The following CSMD3 variants were observed in gnomAD, a reference collection of about 807,000 sequenced individuals.
CSMD3 encodes the protein CUB and sushi domain-containing protein 3.
Under a neutral mutation model 435.2 loss-of-function variants are expected in CSMD3, and 177 were observed. The ratio of observed to expected loss-of-function variants is 0.41; its 90% CI spans 0.36 to 0.46. The LOEUF is 0.46. Ranked by LOEUF, CSMD3 falls within the 20% of genes least tolerant of loss-of-function variation. CSMD3 has a pLI of 0.34. For synonymous variants in CSMD3, 1,656 were observed against 1,520.5 expected (o/e 1.09, Z -2.07); for missense variants, 4,265 against 4,504.6 (o/e 0.95, Z 1.52).
intron 38 of CSMD3, among the ~76,000 whole-genome samples, chr8:112,363,199 C>A (rs183970818): frequency 1.3e-5 from 2 of 151,856 alleles, no homozygotes; most frequent in African/African-American, 4.8e-5. Flanking sequence ...AGTGACTTCA[C>A]AGTCATATTA....
At chr8:112,959,807 T>C (rs1285724247) in intron 7 of CSMD3, among the ~76,000 whole-genome samples, 2 of 151,938 alleles carry the variant, frequency 1.3e-5, no homozygotes, top group Admixed American at 1.3e-4. Flanking sequence ...TGACAATAGA[T>C]TTATTTACAT....
At position 112,223,433 on chromosome 8, in the gene CSMD3, C is replaced by A; in HGVS notation, c.*1338G>T. The A allele has an allele frequency of 5.9e-6, 1 of 170,540 alleles. No individual in the cohort carries two copies. Among genetic ancestry groups the A allele is most frequent in the Non-Finnish European group, 1.0e-5 (1 of 95,272 alleles). The allele number at this position is 170,540 out of a possible 1,614,324, so 10.6% of individuals were successfully genotyped here. A position where few individuals can be genotyped will look rare whatever the true frequency, so the allele number is the denominator to read the frequency against. ...TTAACACTGGGTACATGATCGTATTCAATGAAGTAAAACAGCTATAAAAGG... is the reference window on the plus strand; with the variant it reads ...TTAACACTGGGTACATGATCGTATTAAATGAAGTAAAACAGCTATAAAAGG... On this transcript the variant is annotated 3_prime_UTR_variant, in exon 71 of 71. Transcript: ENST00000297405.
At chr8:112,742,489 A>G (rs1162970515) in intron 13 of CSMD3, among the ~76,000 whole-genome samples, 3 of 151,960 alleles carry the variant, frequency 2.0e-5, no homozygotes, top group Admixed American at 6.6e-5. Flanking sequence ...TGAGAGTGCG[A>G]TCTGTACAAT....
chr8:113,420,117 T>C (rs1198206651), intron 1 of CSMD3, among the ~76,000 whole-genome samples: 1 of 152,066 alleles, frequency 6.6e-6, no homozygotes, highest in Admixed American at 6.6e-5. Flanking sequence ...AAATGGGCAA[T>C]ATTAAAATAG....
chr8:112,461,756 T>C (rs1047405908), intron 32 of CSMD3, among the ~76,000 whole-genome samples: 3 of 152,134 alleles, frequency 2.0e-5, no homozygotes, highest in Non-Finnish European at 4.4e-5. Flanking sequence ...CAGAGAAGAA[T>C]GTAGCATGCC....
chr8:113,402,113 A>G (rs2133206121), intron 1 of CSMD3, among the ~76,000 whole-genome samples: 1 of 151,614 alleles, frequency 6.6e-6, no homozygotes, highest in Admixed American at 6.6e-5. Flanking sequence ...TCAGGGAGCT[A>G]GCTCCTTGTG....
chr8:113,291,242 C>T (rs1351578728), intron 2 of CSMD3, among the ~76,000 whole-genome samples: 1 of 151,566 alleles, frequency 6.6e-6, no homozygotes, highest in African/African-American at 2.4e-5. Context: ...CTGTTTTAAA[C>T]ATAAAAGTCT....
intron 3 of CSMD3, among the ~76,000 whole-genome samples, chr8:113,195,678 C>A (rs747663761): frequency 6.7e-6 from 1 of 149,308 alleles, no homozygotes; most frequent in South Asian, 2.1e-4. Flanking sequence ...CCTAATGGTG[C>A]GTAAAAGTTA....
chr8:112,942,261 G>T (rs1049313192), intron 9 of CSMD3, among the ~76,000 whole-genome samples: 1 of 150,174 alleles, frequency 6.7e-6, no homozygotes, highest in Non-Finnish European at 1.5e-5. Flanking sequence ...AACTGTCAAC[G>T]GCTGGCATGA....
At chr8:112,420,857 GAC>G (rs569801770) in intron 32 of CSMD3, among the ~76,000 whole-genome samples, 110 of 152,192 alleles carry the variant, frequency 7.2e-4, no homozygotes, top group African/African-American at 2.6e-3. Context: ...GTGGGACTTT[GAC>G]ACACAATTTA....
chr8:112,605,383 C>A (rs988646028), intron 22 of CSMD3, among the ~76,000 whole-genome samples: 1 of 152,042 alleles, frequency 6.6e-6, no homozygotes, highest in Admixed American at 6.5e-5. Flanking sequence ...ACCTAGATGC[C>A]CATCAATAGT....
intron 13 of CSMD3, among the ~76,000 whole-genome samples, chr8:112,776,263 A>G (rs571321581): frequency 9.2e-5 from 14 of 151,920 alleles, no homozygotes; most frequent in African/African-American, 3.4e-4. Flanking sequence ...TTCTTACCCA[A>G]TGTTGCTTTT....
At chr8:113,302,503 T>A (rs997765410) in intron 2 of CSMD3, among the ~76,000 whole-genome samples, 2 of 151,246 alleles carry the variant, frequency 1.3e-5, no homozygotes, top group African/African-American at 2.4e-5. Context: ...GAAGAGTTAA[T>A]CTAAAATGTC....
chr8:112,403,396 T>C (rs2129954943), intron 35 of CSMD3, among the ~76,000 whole-genome samples: 1 of 152,278 alleles, frequency 6.6e-6, no homozygotes, highest in East Asian at 1.9e-4. Context: ...CAAATATGTA[T>C]TTAAATTACT....
chr8:113,406,852 G>T (rs959341622), intron 1 of CSMD3, among the ~76,000 whole-genome samples: 1 of 152,010 alleles, frequency 6.6e-6, no homozygotes, highest in Admixed American at 6.6e-5. Context: ...GTGGATATAT[G>T]CACTGTAGAG....
chr8:113,312,506 T>G (rs2093877366), intron 2 of CSMD3: 1 of 152,174 alleles, frequency 6.6e-6, no homozygotes, highest in South Asian at 2.1e-4. Context: ...ACTTCGCAAT[T>G]TTTTAACTTC....
intron 1 of CSMD3, among the ~76,000 whole-genome samples, chr8:113,326,020 G>A (rs1563702421): frequency 6.6e-6 from 1 of 152,028 alleles, no homozygotes; most frequent in Admixed American, 6.6e-5. Flanking sequence ...AACTAATTTA[G>A]AAAAAAGAAG....
At chr8:112,405,162 C>T (rs115849146) in intron 35 of CSMD3, among the ~76,000 whole-genome samples, 1,933 of 112,606 alleles carry the variant, frequency 0.017, 53 homozygotes, top group African/African-American at 0.067. Context: ...CCAGCCTGAG[C>T]GACACAGCAA....
chr8:112,769,942 A>C (rs2132189439), intron 13 of CSMD3, among the ~76,000 whole-genome samples: 1 of 152,162 alleles, frequency 6.6e-6, no homozygotes, highest in South Asian at 2.1e-4. Context: ...CTCATGTGTA[A>C]CTGAACACTA....
Sources: gnomAD v4.1 joint callset for allele counts (sites outside exome capture counted in the v4.1 genomes callset) on GRCh38, gnomAD v4.1.1 for gene constraint, MANE v1.5 for transcripts, NCBI Gene and HGNC (gene_info 2026-07-23, HGNC 2026-07-21) for gene names.